The following GRM7 variants were observed in gnomAD, a reference collection of about 807,000 sequenced individuals.
GRM7 encodes the protein glutamate metabotropic receptor 7, also known as metabotropic glutamate receptor 7.
In GRM7, 35 loss-of-function variants were observed where a neutral mutation model predicts 84.5. The observed-to-expected ratio is 0.41, with a 90% CI of 0.32 to 0.55. GRM7 has a LOEUF of 0.55. GRM7 is among the 20% of genes least tolerant of loss of function. The pLI is 0.19. For missense variants in GRM7, 1,003 were observed against 1,194.6 expected (o/e 0.84, Z 2.36); for synonymous variants, 487 against 455.1 (o/e 1.07, Z -0.89).
At chr3:7,109,841 C>A (rs1692783046) in intron 1 of GRM7, among the ~76,000 whole-genome samples, 1 of 152,036 alleles carries the variant, frequency 6.6e-6, no homozygotes, top group South Asian at 2.1e-4. Flanking sequence ...TCCATTATAT[C>A]CATTGTTGTG....
chr3:7,195,511 A>G (rs888707687), intron 2 of GRM7, among the ~76,000 whole-genome samples: 3 of 152,170 alleles, frequency 2.0e-5, no homozygotes, highest in Admixed American at 6.6e-5. Flanking sequence ...GCAAGTTCTA[A>G]AGTAAGAGAA....
intron 8 of GRM7, among the ~76,000 whole-genome samples, chr3:7,665,451 A>G (rs557886514): frequency 8.9e-4 from 135 of 152,182 alleles, no homozygotes; most frequent in African/African-American, 3.1e-3. Context: ...CTGGGATTAC[A>G]AGCGTGAGCC....
chr3:7,298,336 GT>G (rs1371383557), intron 2 of GRM7, among the ~76,000 whole-genome samples: 8 of 152,114 alleles, frequency 5.3e-5, no homozygotes, highest in Non-Finnish European at 1.2e-4. Flanking sequence ...TTTTTGTAGT[GT>G]TATTAAGGGG....
chr3:6,881,320 T>G (rs550006184), intron 1 of GRM7, among the ~76,000 whole-genome samples: 1 of 152,210 alleles, frequency 6.6e-6, no homozygotes, highest in Admixed American at 6.5e-5. Flanking sequence ...GTCTCCAGTG[T>G]GTGTTGTTCC....
intron 8 of GRM7, among the ~76,000 whole-genome samples, chr3:7,676,412 A>G (rs1268656373): frequency 6.6e-6 from 1 of 152,154 alleles, no homozygotes; most frequent in Non-Finnish European, 1.5e-5. Context: ...ACATTTTGAT[A>G]AACAGATTAT....
chr3:7,337,582 A>ATTAGCCCC (rs1701470506), intron 4 of GRM7, among the ~76,000 whole-genome samples: 1 of 152,106 alleles, frequency 6.6e-6, no homozygotes, highest in Non-Finnish European at 1.5e-5. Flanking sequence ...TAATCCCATT[A>ATTAGCCCC]AAAAGTGGGC....
At position 6,863,025 on chromosome 3, in the gene GRM7, T is replaced by C; in HGVS notation, c.519+1118T>C. 1 of 455,900 alleles carries C rather than the reference T, an allele frequency of 2.2e-6. No individual in the cohort carries two copies. Among genetic ancestry groups the C allele is most frequent in the Non-Finnish European group, 4.4e-6 (1 of 226,618 alleles). 28.2% of individuals were successfully genotyped at this position (455,900 alleles called of 1,614,324 possible). A position where few individuals can be genotyped will look rare whatever the true frequency, so the allele number is the denominator to read the frequency against. ...GGGTAGGAATGAGTGGCTTTGGGGT[T>C]TGGAAATTGAGTTTCAGGGTCTCTG... is the stretch of plus-strand genomic sequence containing the variant. On this transcript the variant is annotated intron_variant, in intron 1 of 9. Coordinates refer to ENST00000357716, the MANE Select transcript of GRM7 (RefSeq NM_000844.4). This position sits in a 1 kb window ranked among gnomAD's most constrained non-coding sequence, Gnocchi z 4.8.
At chr3:7,621,578 C>A (rs892816996) in intron 8 of GRM7, among the ~76,000 whole-genome samples, 2 of 151,994 alleles carry the variant, frequency 1.3e-5, no homozygotes, top group African/African-American at 2.4e-5. Flanking sequence ...TCTTTCTTAC[C>A]CATATCCAGT....
chr3:7,108,252 G>C (rs1392855099), intron 1 of GRM7, among the ~76,000 whole-genome samples: 3 of 152,064 alleles, frequency 2.0e-5, no homozygotes, highest in Non-Finnish European at 4.4e-5. Context: ...CCATGTGAGG[G>C]AACTGTGTTA....
chr3:6,885,498 C>T (rs1317063710), intron 1 of GRM7, among the ~76,000 whole-genome samples: 1 of 152,138 alleles, frequency 6.6e-6, no homozygotes, highest in Non-Finnish European at 1.5e-5. Context: ...GTGTCTTATG[C>T]GGAGGTGTTT....
intron 2 of GRM7, among the ~76,000 whole-genome samples, chr3:7,159,565 C>T (rs1452057107): frequency 2.6e-5 from 4 of 152,168 alleles, no homozygotes; most frequent in African/African-American, 9.7e-5. Context: ...CTCTTTCATT[C>T]TTCATTCCAT....
intron 2 of GRM7, among the ~76,000 whole-genome samples, chr3:7,172,223 A>G (rs1695006687): frequency 1.3e-5 from 2 of 152,172 alleles, no homozygotes; most frequent in South Asian, 4.1e-4. Flanking sequence ...TTTAAGTAAC[A>G]AAAATGAGAG....
At position 7,380,989 on chromosome 3, in the gene GRM7, A is replaced by G. The variant is rs578248701; in HGVS notation, c.1034-34034A>G. ...TTTTGAAGTCATAAGTCAAGCAAAA[A>G]TAAGGAATTATGATAAGAGAGGCAT... On this transcript the variant is annotated intron_variant, in intron 4 of 9. Coordinates refer to ENST00000357716, the MANE Select transcript of GRM7 (RefSeq NM_000844.4). Among the ~76,000 whole-genome samples the G allele has an allele frequency of 2.0e-5, 3 of 152,264 alleles. No homozygotes were observed. The South Asian group carries it at 6.2e-4, about 32-fold the overall frequency.
chr3:7,528,811 T>C (rs149084895), intron 7 of GRM7, among the ~76,000 whole-genome samples: 1 of 152,086 alleles, frequency 6.6e-6, no homozygotes, highest in African/African-American at 2.4e-5. Flanking sequence ...AGTTTCCATG[T>C]AATTGTGTGG....
At chr3:7,680,319 A>G (rs1049537963) in intron 9 of GRM7, 24 bp downstream of exon 9, 22 of 1,611,926 alleles carry the variant, frequency 1.4e-5, no homozygotes, top group Non-Finnish European at 1.6e-5. Flanking sequence ...CGTTTCTTTC[A>G]TCTTCCCACC....
chr3:7,020,038 C>T (rs756526678), intron 1 of GRM7, among the ~76,000 whole-genome samples: 4 of 152,088 alleles, frequency 2.6e-5, no homozygotes, highest in Admixed American at 6.5e-5. Context: ...CTATTAGAGA[C>T]GGGTTTCACC....
chr3:6,963,338 A>G (rs528136431), intron 1 of GRM7, among the ~76,000 whole-genome samples: 1 of 152,232 alleles, frequency 6.6e-6, no homozygotes, highest in Non-Finnish European at 1.5e-5. Flanking sequence ...AATTAAGAAC[A>G]ACATCCGAGT....
At chr3:7,109,623 C>T (rs9834377) in intron 1 of GRM7, among the ~76,000 whole-genome samples, 61,498 of 151,982 alleles carry the variant, frequency 0.4, 13,244 homozygotes, top group African/African-American at 0.57. Context: ...TCCATTGTTC[C>T]GGTCCAGCAT....
chr3:7,541,149 C>G (rs893076194), intron 7 of GRM7, among the ~76,000 whole-genome samples: 1 of 152,082 alleles, frequency 6.6e-6, no homozygotes, highest in Non-Finnish European at 1.5e-5. Context: ...TAGAGATCAA[C>G]CTTTATCATG....
Sources: gnomAD v4.1 joint callset for allele counts (sites outside exome capture counted in the v4.1 genomes callset) on GRCh38, gnomAD v4.1.1 for gene constraint, Gnocchi (gnomAD v3.1) non-coding constraint, MANE v1.5 for transcripts, NCBI Gene and HGNC (gene_info 2026-07-23, HGNC 2026-07-21) for gene names.